KHDRBS2: variants seen among roughly 807,000 people sequenced by gnomAD.
KHDRBS2 encodes KH domain-containing, RNA-binding, signal transduction-associated protein 2.
In KHDRBS2, 26 loss-of-function variants were observed where a neutral mutation model predicts 44.3. The ratio of observed to expected loss-of-function variants is 0.59; its 90% CI spans 0.43 to 0.81. KHDRBS2 has a LOEUF of 0.81. Among genes scored for constraint, KHDRBS2 ranks in the 40% least tolerant of loss-of-function variants. KHDRBS2 has a pLI of 0.00. For missense variants in KHDRBS2, 476 were observed against 433.1 expected (o/e 1.10, Z -0.88); for synonymous variants, 194 against 151.1 (o/e 1.28, Z -2.08).
intron 7 of KHDRBS2, among the ~76,000 whole-genome samples, chr6:61,727,445 A>G (rs964274413): frequency 6.6e-6 from 1 of 152,176 alleles, no homozygotes; most frequent in Non-Finnish European, 1.5e-5. Flanking sequence ...CTAACTAAAG[A>G]GCTTCTTCTG....
At chr6:61,882,243 C>A (rs1395632971) in intron 6 of KHDRBS2, among the ~76,000 whole-genome samples, 1 of 151,972 alleles carries the variant, frequency 6.6e-6, no homozygotes, top group African/African-American at 2.4e-5. Flanking sequence ...CATCCCCCAG[C>A]AACCTGAACC....
chr6:61,947,913 A>AT (rs1350042871), intron 4 of KHDRBS2, among the ~76,000 whole-genome samples: 1 of 143,216 alleles, frequency 7.0e-6, no homozygotes, highest in African/African-American at 2.6e-5. Flanking sequence ...CACACACACA[A>AT]AATAATAATA....
chr6:61,695,393 A>G (rs2127543276), intron 8 of KHDRBS2, among the ~76,000 whole-genome samples: 1 of 152,330 alleles, frequency 6.6e-6, no homozygotes, highest in South Asian at 2.1e-4. Flanking sequence ...CCAAAGTCTT[A>G]TCTGTTTCCC....
intron 4 of KHDRBS2, among the ~76,000 whole-genome samples, chr6:61,920,756 G>A (rs377725080): frequency 1.4e-4 from 22 of 152,032 alleles, no homozygotes; most frequent in Middle Eastern, 6.8e-3. Flanking sequence ...GTCAGAGTAC[G>A]TTTAGACATA....
intron 4 of KHDRBS2, among the ~76,000 whole-genome samples, chr6:61,976,862 T>A (rs563699628): frequency 3.9e-5 from 6 of 152,064 alleles, no homozygotes; most frequent in Admixed American, 3.3e-4. Flanking sequence ...AAAAGGAAAA[T>A]AAAACGTAGC....
At chr6:62,169,165 A>G (rs1335214775) in intron 2 of KHDRBS2, among the ~76,000 whole-genome samples, 71 of 83,884 alleles carry the variant, frequency 8.5e-4, no homozygotes, top group Non-Finnish European at 1.3e-3. Context: ...ATACGTACAC[A>G]TATATGTATA....
intron 3 of KHDRBS2, among the ~76,000 whole-genome samples, chr6:61,992,658 T>A (rs2127250050): frequency 6.6e-6 from 1 of 152,234 alleles, no homozygotes; most frequent in South Asian, 2.1e-4. Flanking sequence ...GTGGGAACAG[T>A]ATAGTTAACT....
chr6:61,748,784 T>C (rs1466476860), intron 6 of KHDRBS2, among the ~76,000 whole-genome samples: 1 of 151,990 alleles, frequency 6.6e-6, no homozygotes, highest in Non-Finnish European at 1.5e-5. Context: ...CTGTTATGTA[T>C]CACATTTGGA....
At chr6:61,901,175 C>T in intron 5 of KHDRBS2, 69 bp downstream of exon 5, 2 of 1,469,438 alleles carry the variant, frequency 1.4e-6, no homozygotes, top group Non-Finnish European at 1.9e-6. Flanking sequence ...TAGTGATAAT[C>T]ATGACATAAA....
intron 2 of KHDRBS2, among the ~76,000 whole-genome samples, chr6:62,103,415 C>T (rs565450021): frequency 6.2e-4 from 94 of 152,364 alleles, no homozygotes; most frequent in African/African-American, 2.2e-3. Flanking sequence ...CCAGCATGCA[C>T]ACTGGCTGGG....
intron 6 of KHDRBS2, among the ~76,000 whole-genome samples, chr6:61,764,574 C>T (rs962569780): frequency 6.6e-6 from 1 of 152,100 alleles, no homozygotes; most frequent in African/African-American, 2.4e-5. Flanking sequence ...GCCATTCTGA[C>T]TTGTATGAGA....
chr6:62,201,089 T>A (rs1434906327), intron 1 of KHDRBS2, among the ~76,000 whole-genome samples: 4 of 151,560 alleles, frequency 2.6e-5, no homozygotes, highest in African/African-American at 9.7e-5. Flanking sequence ...CTGTTTGGGG[T>A]GAGGGGAGCA....
chr6:61,656,868 T>C, the KHDRBS2 span, among the ~76,000 whole-genome samples: 5 of 151,984 alleles, frequency 3.3e-5, no homozygotes, highest in Non-Finnish European at 5.9e-5. Flanking sequence ...TTTTCAGCTG[T>C]TTTATGCCAC....
chr6:62,188,854 C>A (rs1362299080), intron 1 of KHDRBS2, among the ~76,000 whole-genome samples: 1 of 152,170 alleles, frequency 6.6e-6, no homozygotes, highest in East Asian at 1.9e-4. Flanking sequence ...TGGCTCACGC[C>A]TGTAATCCTA....
chr6:62,207,357 A>G (rs1828166264), intron 1 of KHDRBS2, among the ~76,000 whole-genome samples: 1 of 152,122 alleles, frequency 6.6e-6, no homozygotes, highest in Admixed American at 6.6e-5. Context: ...TTATCCACAA[A>G]TGCAAAGGCT....
At chr6:61,716,027 TAA>T (rs147296744) in intron 7 of KHDRBS2, among the ~76,000 whole-genome samples, 4,657 of 151,782 alleles carry the variant, frequency 0.031, 245 homozygotes, top group African/African-American at 0.11. Context: ...CACTGACAGG[TAA>T]AGACTATTAT....
At chr6:61,728,226 G>A (rs184400562) in intron 7 of KHDRBS2, among the ~76,000 whole-genome samples, 38 of 152,136 alleles carry the variant, frequency 2.5e-4, no homozygotes, top group Admixed American at 2.0e-3. Context: ...TTATTAACGG[G>A]GAGCTAAATG....
intron 2 of KHDRBS2, among the ~76,000 whole-genome samples, chr6:62,101,128 A>G (rs560063129): frequency 2.6e-5 from 4 of 152,154 alleles, no homozygotes; most frequent in Middle Eastern, 3.2e-3. Context: ...TTTTTTATTT[A>G]TAATATGAAG....
At chr6:61,574,403 TACA>T in the KHDRBS2 span, 4 of 1,522,928 alleles carry the variant, frequency 2.6e-6, no homozygotes, top group South Asian at 1.2e-5. Flanking sequence ...GCGGACATAA[TACA>T]ACAAGACGAG....
Sources: gnomAD v4.1 joint callset for allele counts (sites outside exome capture counted in the v4.1 genomes callset) on GRCh38, gnomAD v4.1.1 for gene constraint, MANE v1.5 for transcripts, NCBI Gene and HGNC (gene_info 2026-07-23, HGNC 2026-07-21) for gene names.